FBXW11: variants seen among roughly 807,000 people sequenced by gnomAD.
FBXW11 encodes the protein F-box and WD repeat domain containing 11, also known as F-box/WD repeat-containing protein 11.
FBXW11 carries 19 observed loss-of-function variants against 77.6 expected under a neutral mutation model. The observed-to-expected ratio is 0.24, with a 90% CI of 0.17 to 0.36. FBXW11 has a LOEUF of 0.36. Ranked by LOEUF, FBXW11 falls within the 10% of genes least tolerant of loss-of-function variation. FBXW11 has a pLI of 1.00. For synonymous variants in FBXW11, 235 were observed against 249.4 expected, an observed-to-expected ratio of 0.94 and a Z score of 0.54; for missense variants, 334 against 704.2, an observed-to-expected ratio of 0.47 and a Z score of 5.95.
intron 7 of FBXW11, among the ~76,000 whole-genome samples, chr5:171,887,727 G>A (rs1759011750): frequency 6.6e-6 from 1 of 151,440 alleles, no homozygotes; most frequent in Non-Finnish European, 1.5e-5. Context: ...GTGTGATCCT[G>A]GCTCACTGCA....
At chr5:171,874,572 G>A (rs1223256390) in intron 9 of FBXW11, among the ~76,000 whole-genome samples, 2 of 152,012 alleles carry the variant, frequency 1.3e-5, no homozygotes, top group East Asian at 3.9e-4. Flanking sequence ...TGATTTGTGG[G>A]GCTAGGTATA....
intron 2 of FBXW11, among the ~76,000 whole-genome samples, chr5:171,954,597 T>C (rs1361488200): frequency 6.6e-6 from 1 of 152,206 alleles, no homozygotes; most frequent in East Asian, 1.9e-4. Flanking sequence ...AATGAAACAC[T>C]GACTCAGTTC....
At chr5:171,940,558 A>G (rs1207535745) in intron 2 of FBXW11, among the ~76,000 whole-genome samples, 1 of 152,146 alleles carries the variant, frequency 6.6e-6, no homozygotes, top group East Asian at 1.9e-4. Context: ...GCAACAGAAA[A>G]TAAGGAAGTA....
At chr5:171,910,841 A>G in intron 3 of FBXW11, 44 bp from the exon 4 acceptor site, 1 of 1,292,150 alleles carries the variant, frequency 7.7e-7, no homozygotes, top group South Asian at 1.5e-5. Context: ...ACAAGGAAAG[A>G]AACCTAATTA....
intron 8 of FBXW11, among the ~76,000 whole-genome samples, chr5:171,877,241 G>A (rs937517550): frequency 2.0e-5 from 3 of 152,136 alleles, no homozygotes; most frequent in Non-Finnish European, 2.9e-5. Context: ...CCTCTAGATA[G>A]TAGATTTTGT....
intron 2 of FBXW11, among the ~76,000 whole-genome samples, chr5:171,923,189 C>T (rs1316724193): frequency 5.9e-5 from 9 of 152,190 alleles, no homozygotes; most frequent in African/African-American, 2.2e-4. Flanking sequence ...GCTGGGATTA[C>T]AGGCTGAGTC....
intron 1 of FBXW11, chr5:171,997,130 G>A (rs1766099112): frequency 1.7e-6 from 2 of 1,195,756 alleles, no homozygotes; most frequent in Non-Finnish European, 2.2e-6. Flanking sequence ...ATGGAAGGAA[G>A]GGTCAATGGA....
intron 1 of FBXW11, among the ~76,000 whole-genome samples, chr5:171,996,303 C>T (rs1766041473): frequency 6.6e-6 from 1 of 152,150 alleles, no homozygotes; most frequent in Non-Finnish European, 1.5e-5. Flanking sequence ...AAGCTATTCC[C>T]TAAACAACAT....
chr5:171,989,414 G>A (rs898205866), intron 1 of FBXW11, among the ~76,000 whole-genome samples: 20 of 152,240 alleles, frequency 1.3e-4, no homozygotes, highest in Non-Finnish European at 1.6e-4. Context: ...GGGATAACCC[G>A]TCATTAAGTG....
intron 1 of FBXW11, among the ~76,000 whole-genome samples, chr5:172,005,626 TC>T (rs1766697873): frequency 6.6e-6 from 1 of 150,900 alleles, no homozygotes; most frequent in East Asian, 1.9e-4. Context: ...AGTGGTCGCT[TC>T]CCCCGGGGGC....
intron 2 of FBXW11, among the ~76,000 whole-genome samples, chr5:171,936,369 T>C (rs1041447420): frequency 6.6e-6 from 1 of 151,486 alleles, no homozygotes; most frequent in African/African-American, 2.4e-5. Context: ...CCCGCACCTG[T>C]AGTCCCAGTG....
chr5:171,871,266 T>C (rs561675318), intron 10 of FBXW11, among the ~76,000 whole-genome samples: 52 of 152,236 alleles, frequency 3.4e-4, no homozygotes, highest in African/African-American at 1.2e-3. Context: ...ACAGGGATTG[T>C]AGGCAGTAAA....
chr5:171,982,541 G>A (rs963941424), intron 1 of FBXW11, among the ~76,000 whole-genome samples: 3 of 152,234 alleles, frequency 2.0e-5, no homozygotes, highest in Admixed American at 1.3e-4. Context: ...GGGATTACAG[G>A]TGTGAGCCAC....
At chr5:171,982,869 T>C (rs1342865474) in intron 1 of FBXW11, among the ~76,000 whole-genome samples, 2 of 152,028 alleles carry the variant, frequency 1.3e-5, no homozygotes, top group African/African-American at 4.8e-5. Flanking sequence ...GGTCCTGCCT[T>C]ATACCCCAGG....
chr5:171,969,879 A>G (rs1306950389), intron 1 of FBXW11, among the ~76,000 whole-genome samples: 1 of 152,030 alleles, frequency 6.6e-6, no homozygotes, highest in Non-Finnish European at 1.5e-5. Context: ...AATTTTTTCT[A>G]TTTTCAGTAG....
intron 7 of FBXW11, among the ~76,000 whole-genome samples, chr5:171,889,634 C>T (rs1461828914): frequency 6.6e-6 from 1 of 151,714 alleles, no homozygotes; most frequent in East Asian, 1.9e-4. Flanking sequence ...CGCCTGTAAT[C>T]GGGGCACTTT....
At chr5:171,940,956 GAAAT>G (rs753414880) in intron 2 of FBXW11, among the ~76,000 whole-genome samples, 6 of 150,942 alleles carry the variant, frequency 4.0e-5, no homozygotes, top group Non-Finnish European at 8.8e-5. Context: ...TCTGACCATC[GAAAT>G]AAATAATGAT....
Position 171,900,088 on chromosome 5 carries a change from T to C in FBXW11, c.449A>G (p.Asp150Gly). The part of the protein sequence containing the change: ...FITALPEQGL[D>G]HIAENILSYL... ...CGAAAGAATGTTTTCTGCTATGTGA[T>C]CTAAGCCTTGCTCTACAAAACAGAA... Residue 150 changes from aspartate (D) to glycine (G), a missense_variant, in exon 5 of 14, where the codon GAT becomes GGT. Transcript: ENST00000517395. The C allele has an allele frequency of 2.5e-6, 4 of 1,612,218 alleles. No homozygotes were observed. Among genetic ancestry groups the C allele is most frequent in the Non-Finnish European group, 3.4e-6 (4 of 1,178,850 alleles).
intron 2 of FBXW11, among the ~76,000 whole-genome samples, chr5:171,942,026 T>C (rs1269156435): frequency 6.6e-6 from 1 of 151,514 alleles, no homozygotes; most frequent in East Asian, 2.0e-4. Context: ...AAATATTGCT[T>C]TTTATTTATT....
Sources: gnomAD v4.1 joint callset for allele counts (sites outside exome capture counted in the v4.1 genomes callset) on GRCh38, gnomAD v4.1.1 for gene constraint, MANE v1.5 for transcripts, NCBI Gene and HGNC (gene_info 2026-07-23, HGNC 2026-07-21) for gene names.